The following DCT variants were observed in gnomAD, a reference collection of about 807,000 sequenced individuals.
The protein encoded by DCT is dopachrome tautomerase.
Under a neutral mutation model 53.0 loss-of-function variants are expected in DCT, and 47 were observed. The observed-to-expected ratio is 0.89, with a 90% CI of 0.70 to 1.13. DCT has a LOEUF of 1.13. DCT is among the 50% of genes most tolerant of loss of function. The pLI is 0.00. For missense variants in DCT, 669 were observed against 637.4 expected (o/e 1.05, Z -0.53); for synonymous variants, 244 against 237.0 (o/e 1.03, Z -0.27).
intron 7 of DCT, among the ~76,000 whole-genome samples, chr13:94,440,485 G>C (rs540295581): frequency 1.3e-5 from 2 of 152,006 alleles, no homozygotes; most frequent in Non-Finnish European, 2.9e-5. Flanking sequence ...CTTTTTTATA[G>C]AATGATAAAC....
chr13:94,517,656 G>C, the DCT span, among the ~76,000 whole-genome samples: 1 of 152,004 alleles, frequency 6.6e-6, no homozygotes, highest in Non-Finnish European at 1.5e-5. Flanking sequence ...AGTATCCTTG[G>C]ATTATCCCAG....
At chr13:94,547,984 A>AAAAAAAAAAAAAATATATATATATAT in the DCT span, among the ~76,000 whole-genome samples, 1 of 65,820 alleles carries the variant, frequency 1.5e-5, no homozygotes, top group African/African-American at 1.3e-4. Flanking sequence ...AAAAAAAAAA[A>AAAAAAAAAAAAAATATATATATATAT]ATATATATAT....
intron 1 of DCT, among the ~76,000 whole-genome samples, chr13:94,472,178 A>G (rs1305200587): frequency 6.6e-6 from 1 of 152,090 alleles, no homozygotes; most frequent in Non-Finnish European, 1.5e-5. Context: ...TTTCTTTGCC[A>G]TGATTCTTTG....
intron 7 of DCT, 72 bp from the exon 8 acceptor site, chr13:94,440,148 A>AG: frequency 7.6e-7 from 1 of 1,318,486 alleles, no homozygotes; most frequent in Non-Finnish European, 1.1e-6. Context: ...AAAAAGAGCA[A>AG]GCGCACTTGC....
chr13:94,492,999 A>G, the DCT span, among the ~76,000 whole-genome samples: 1 of 152,228 alleles, frequency 6.6e-6, no homozygotes, highest in African/African-American at 2.4e-5. Context: ...CATGGCAGTC[A>G]TAGAGAATGG....
the DCT span, among the ~76,000 whole-genome samples, chr13:94,494,637 T>A: frequency 6.6e-6 from 1 of 151,914 alleles, no homozygotes; most frequent in Non-Finnish European, 1.5e-5. Context: ...CTCTGAAAAC[T>A]TTCTATAATA....
intron 6 of DCT, among the ~76,000 whole-genome samples, chr13:94,459,141 A>G (rs1883611023): frequency 6.6e-6 from 1 of 152,130 alleles, no homozygotes; most frequent in Non-Finnish European, 1.5e-5. Flanking sequence ...AGCCTCCCAA[A>G]GTGCTGAGAT....
chr13:94,509,826 G>A, the DCT span, among the ~76,000 whole-genome samples: 2 of 152,276 alleles, frequency 1.3e-5, no homozygotes, highest in East Asian at 1.9e-4. Flanking sequence ...GCTCAAAAAT[G>A]TTATCTACTA....
the DCT span, among the ~76,000 whole-genome samples, chr13:94,516,483 G>C: frequency 6.6e-6 from 1 of 152,100 alleles, no homozygotes; most frequent in African/African-American, 2.4e-5. Context: ...CTTTTTAAGA[G>C]AATAAATCAT....
At chr13:94,464,638 C>CA (rs1315760546) in intron 4 of DCT, among the ~76,000 whole-genome samples, 1 of 145,180 alleles carries the variant, frequency 6.9e-6, no homozygotes, top group Non-Finnish European at 1.5e-5. Context: ...GACTCCATCT[C>CA]AAAAAAACAA....
chr13:94,519,594 C>A, the DCT span, among the ~76,000 whole-genome samples: 2 of 152,184 alleles, frequency 1.3e-5, no homozygotes, highest in African/African-American at 4.8e-5. Flanking sequence ...TTGCACTGCA[C>A]AAGGAAACAT....
At chr13:94,458,027 C>T (rs2139317127) in intron 6 of DCT, among the ~76,000 whole-genome samples, 1 of 152,304 alleles carries the variant, frequency 6.6e-6, no homozygotes, top group East Asian at 1.9e-4. Flanking sequence ...AAGAAAACCC[C>T]ATAACCGTGT....
At chr13:94,476,700 T>G (rs1390087073) in intron 1 of DCT, among the ~76,000 whole-genome samples, 2 of 152,160 alleles carry the variant, frequency 1.3e-5, no homozygotes, top group African/African-American at 4.8e-5. Flanking sequence ...GGTGTTGAAC[T>G]CCTGACCCGT....
At chr13:94,469,714 G>A (rs1184171208) in intron 1 of DCT, among the ~76,000 whole-genome samples, 1 of 152,168 alleles carries the variant, frequency 6.6e-6, no homozygotes, top group Non-Finnish European at 1.5e-5. Flanking sequence ...CACAAAAAGG[G>A]ATGACACAGA....
At chr13:94,490,770 TA>T in the DCT span, among the ~76,000 whole-genome samples, 47,487 of 151,942 alleles carry the variant, frequency 0.31, 7,523 homozygotes, top group Non-Finnish European at 0.34. Flanking sequence ...TTTTCATTTC[TA>T]AAAAGTATTC....
chr13:94,474,576 A>G (rs934418364), intron 1 of DCT, among the ~76,000 whole-genome samples: 8 of 152,352 alleles, frequency 5.3e-5, no homozygotes, highest in Middle Eastern at 3.4e-3. Context: ...ACTGTTCAAA[A>G]ACTATTTGGT....
chr13:94,503,776 G>C, the DCT span, among the ~76,000 whole-genome samples: 1 of 152,196 alleles, frequency 6.6e-6, no homozygotes, highest in South Asian at 2.1e-4. Context: ...AATTACTGCT[G>C]TTTTAAGCCA....
At chr13:94,511,416 G>C in the DCT span, among the ~76,000 whole-genome samples, 1 of 150,506 alleles carries the variant, frequency 6.6e-6, no homozygotes, top group Non-Finnish European at 1.5e-5. Context: ...CTGCAGTGCA[G>C]TGGCATGATC....
chr13:94,482,113 G>T (rs891951948), upstream of DCT, among the ~76,000 whole-genome samples: 2 of 152,222 alleles, frequency 1.3e-5, no homozygotes, highest in Admixed American at 6.5e-5. Context: ...TTCAAGAGGG[G>T]AGAGTCCGGC....
Sources: allele counts gnomAD v4.1 joint callset (sites outside exome capture counted in the v4.1 genomes callset), GRCh38; gene constraint gnomAD v4.1.1; transcripts MANE v1.5; gene names NCBI Gene and HGNC (gene_info 2026-07-23, HGNC 2026-07-21).